LRP1B: variants seen among roughly 807,000 people sequenced by gnomAD.
LRP1B encodes the protein LDL receptor related protein 1B, also known as low-density lipoprotein receptor-related protein 1B.
Under a neutral mutation model 556.6 loss-of-function variants are expected in LRP1B, and 217 were observed. That is an observed-to-expected ratio of 0.39 (90% CI 0.35 to 0.44). The LOEUF (loss-of-function observed/expected upper bound fraction) is 0.44, where lower values mean the gene tolerates loss of function less well. LRP1B is among the 20% of genes least tolerant of loss of function. LRP1B has a pLI of 1.00. For synonymous variants in LRP1B, 2,047 were observed against 1,865.8 expected, an observed-to-expected ratio of 1.10 and a Z score of -2.50; for missense variants, 5,053 against 5,620.8, an observed-to-expected ratio of 0.90 and a Z score of 3.23.
At chr2:141,085,325 T>C (rs1435889028) in intron 7 of LRP1B, among the ~76,000 whole-genome samples, 1 of 152,218 alleles carries the variant, frequency 6.6e-6, no homozygotes, top group African/African-American at 2.4e-5. Flanking sequence ...CTCTCCAAAA[T>C]TTGTGTGTTG....
chr2:140,428,004 T>C (rs1685737375), intron 66 of LRP1B, among the ~76,000 whole-genome samples: 1 of 152,160 alleles, frequency 6.6e-6, no homozygotes, highest in African/African-American at 2.4e-5. Flanking sequence ...CCTTTTTCTT[T>C]ATCCCAAATC....
chr2:142,050,152 T>C (rs1425030856), intron 1 of LRP1B, among the ~76,000 whole-genome samples: 1 of 152,168 alleles, frequency 6.6e-6, no homozygotes, highest in Admixed American at 6.6e-5. Flanking sequence ...TCTATGTGCA[T>C]ATATGTAATA....
At chr2:141,980,755 G>C (rs994667856) in intron 1 of LRP1B, among the ~76,000 whole-genome samples, 25 of 152,240 alleles carry the variant, frequency 1.6e-4, no homozygotes, top group African/African-American at 6.0e-4. Flanking sequence ...AAATCTGCTA[G>C]TGTAACTGTT....
chr2:141,517,749 C>A (rs1422037017), intron 2 of LRP1B, among the ~76,000 whole-genome samples: 1 of 152,140 alleles, frequency 6.6e-6, no homozygotes, highest in Non-Finnish European at 1.5e-5. Flanking sequence ...AACTACCAGG[C>A]TTTTACCAAA....
At chr2:140,674,624 C>T (rs1172405533) in intron 41 of LRP1B, among the ~76,000 whole-genome samples, 1 of 152,202 alleles carries the variant, frequency 6.6e-6, no homozygotes, top group Admixed American at 6.5e-5. Flanking sequence ...ATGTATGTCT[C>T]ACATGTGTTG....
chr2:140,469,798 G>T (rs894778531), intron 60 of LRP1B, among the ~76,000 whole-genome samples: 3 of 152,214 alleles, frequency 2.0e-5, no homozygotes, highest in African/African-American at 7.2e-5. Context: ...AAACTGGAAA[G>T]AAAGCAGTCC....
intron 2 of LRP1B, among the ~76,000 whole-genome samples, chr2:141,655,096 T>C (rs1192841636): frequency 6.6e-6 from 1 of 152,164 alleles, no homozygotes; most frequent in Admixed American, 6.5e-5. Context: ...TTTGTATCAA[T>C]AAACTGGGGA....
At chr2:141,780,482 A>G (rs1470810787) in intron 2 of LRP1B, among the ~76,000 whole-genome samples, 1 of 152,188 alleles carries the variant, frequency 6.6e-6, no homozygotes, top group Non-Finnish European at 1.5e-5. Context: ...GTCCTGATAA[A>G]TGCTTATCAA....
chr2:140,568,002 A>G (rs1215529287), intron 43 of LRP1B, among the ~76,000 whole-genome samples: 1 of 152,126 alleles, frequency 6.6e-6, no homozygotes, highest in African/African-American at 2.4e-5. Context: ...CGCCCACACC[A>G]TAACATTTGA....
chr2:140,986,313 T>C (rs1193076354), intron 17 of LRP1B, among the ~76,000 whole-genome samples: 4 of 152,108 alleles, frequency 2.6e-5, no homozygotes, highest in African/African-American at 9.7e-5. Flanking sequence ...CACAAGACAA[T>C]GAAAATTTTT....
At chr2:140,269,352 C>G (rs537281167) in intron 86 of LRP1B, 1 of 470,818 alleles carries the variant, frequency 2.1e-6, no homozygotes, top group African/African-American at 2.0e-5. Context: ...TTTCTGGTCA[C>G]AGCGCTGACT....
intron 50 of LRP1B, 110 bp downstream of exon 50, chr2:140,516,775 AAATT>A: frequency 1.0e-6 from 1 of 962,796 alleles, no homozygotes; most frequent in African/African-American, 1.7e-5. Context: ...ATAAAAATGA[AAATT>A]AATGTTAAAA....
intron 62 of LRP1B, among the ~76,000 whole-genome samples, chr2:140,454,317 T>G (rs1687004937): frequency 6.6e-6 from 1 of 151,970 alleles, no homozygotes; most frequent in South Asian, 2.1e-4. Flanking sequence ...CCCAGCTAAT[T>G]TTTAATATTT....
At chr2:141,756,709 T>C (rs1185198993) in intron 2 of LRP1B, among the ~76,000 whole-genome samples, 1 of 152,104 alleles carries the variant, frequency 6.6e-6, no homozygotes, top group Non-Finnish European at 1.5e-5. Flanking sequence ...CACAAATACT[T>C]ACATTGTGTT....
intron 41 of LRP1B, among the ~76,000 whole-genome samples, chr2:140,680,552 G>A (rs1013368523): frequency 3.3e-5 from 5 of 152,172 alleles, no homozygotes; most frequent in African/African-American, 1.2e-4. Context: ...GGCAGGCACT[G>A]TGGTAAGCAT....
At chr2:141,029,175 C>T (rs1698297803) in intron 11 of LRP1B, among the ~76,000 whole-genome samples, 1 of 152,046 alleles carries the variant, frequency 6.6e-6, no homozygotes, top group East Asian at 1.9e-4. Flanking sequence ...AGTTACAGGG[C>T]TATTATAGGT....
At chr2:141,001,196 T>G (rs1381087851) in intron 15 of LRP1B, among the ~76,000 whole-genome samples, 1 of 152,126 alleles carries the variant, frequency 6.6e-6, no homozygotes, top group Non-Finnish European at 1.5e-5. Flanking sequence ...TTGATCATTG[T>G]GTTGACATTA....
intron 1 of LRP1B, among the ~76,000 whole-genome samples, chr2:141,819,826 ATATC>A (rs1291978528): frequency 2.0e-5 from 3 of 152,202 alleles, no homozygotes; most frequent in African/African-American, 7.2e-5. Context: ...TGTACAATAT[ATATC>A]TATCTATGGA....
chr2:140,237,213 T>A (rs1438817155), intron 89 of LRP1B, among the ~76,000 whole-genome samples: 2 of 150,990 alleles, frequency 1.3e-5, no homozygotes, highest in African/African-American at 4.8e-5. Context: ...TTCTACTCTC[T>A]ACTTCAATAT....
Sources: allele counts gnomAD v4.1 joint callset (sites outside exome capture counted in the v4.1 genomes callset), GRCh38; gene constraint gnomAD v4.1.1; transcripts MANE v1.5; gene names NCBI Gene and HGNC (gene_info 2026-07-23, HGNC 2026-07-21).